CIC: variants seen among roughly 807,000 people sequenced by gnomAD.
CIC encodes capicua transcriptional repressor, also known as protein capicua homolog.
In CIC, 18 loss-of-function variants were observed where a neutral mutation model predicts 115.7. The ratio of observed to expected loss-of-function variants is 0.16; its 90% CI spans 0.11 to 0.23. The LOEUF is 0.23. CIC is among the 10% of genes least tolerant of loss of function. The probability of loss-of-function intolerance (pLI) is 1.00; values close to 1 mark genes in which losing one functional copy is unlikely to be tolerated. For synonymous variants in CIC, 1,076 were observed against 923.0 expected, an observed-to-expected ratio of 1.17 and a Z score of -3.01; for missense variants, 2,000 against 2,159.3, an observed-to-expected ratio of 0.93 and a Z score of 1.46.
chr19:42,270,639 C>T lies in CIC; in HGVS notation c.-10-1135C>T, dbSNP rs1459121569. ...GTTGGAGGGCATATTTGGGGGCCTGCGGGGGGCTAGCCGACTCAGCCACCC... is the reference window on the plus strand; with the variant it reads ...GTTGGAGGGCATATTTGGGGGCCTGTGGGGGGCTAGCCGACTCAGCCACCC... On this transcript the variant is annotated intron_variant, in intron 1 of 20. Coordinates refer to ENST00000681038, the MANE Select transcript of CIC (RefSeq NM_001386298.1). The surrounding 1 kb of genome is among the most constrained non-coding windows in gnomAD (Gnocchi z 4.1). Among the ~76,000 whole-genome samples the T allele has an allele frequency of 2.0e-5, 3 of 152,132 alleles. No individual in the cohort carries two copies. Among genetic ancestry groups the T allele is most frequent in the Admixed American group, 1.3e-4 (2 of 15,290 alleles).
In CIC at chr19:42,293,067, C is replaced by G. The variant is rs1034746793; in HGVS notation, c.6308C>G (p.Ala2103Gly). 6.2e-7 allele frequency: 1 copy of G among 1,612,048 alleles called. No individual in the cohort carries two copies. The highest frequency in any genetic ancestry group is 8.5e-7 in the Non-Finnish European group (1 of 1,179,530). ...IASIPVGSFE[A>G]GASGRPGPAP... is the part of the protein sequence containing the mutation. Reference sequence around the variant, plus strand: ...AGCATTCCCGTGGGGTCCTTTGAGGCAGGTGCCTCTGGGCGGCCTGGCCCT... The same window carrying G: ...AGCATTCCCGTGGGGTCCTTTGAGGGAGGTGCCTCTGGGCGGCCTGGCCCT... The change falls in exon 16 of 21, where the codon GCA becomes GGA. Residue 2103 changes from alanine (A) to glycine (G), a missense_variant. Around this residue, in one of 8 missense-constraint regions of CIC, gnomAD observed 1,466 missense variants for 1,390.4 expected, o/e 1.05. Transcript: ENST00000681038.
intron 7 of CIC, among the ~76,000 whole-genome samples, chr19:42,288,606 A>G (rs533591459): frequency 9.2e-5 from 14 of 152,296 alleles, no homozygotes; most frequent in African/African-American, 3.4e-4. Flanking sequence ...GGCTCAGGCC[A>G]GCGGTTGGCT....
Position 42,294,752 on chromosome 19 carries a change from G to T in CIC, c.7186+17G>T. 6.2e-7 allele frequency: 1 copy of T among 1,612,370 alleles called. No homozygotes were observed. ...TCCCGTCAGGTGAGCCTGTCTCGGA[G>T]TCTTGGGGTCACTCGGGTGGGACTT... On this transcript the variant is annotated intron_variant, in intron 20 of 20. Transcript: ENST00000681038.
At chr19:42,292,255 G>A (rs773489045) in intron 13 of CIC, 45 bp from the exon 14 acceptor site, 54 of 1,613,594 alleles carry the variant, frequency 3.3e-5, no homozygotes, top group East Asian at 6.7e-5. Context: ...GGGGTGGGGC[G>A]GGGCCGGCTT....
chr19:42,269,540 C>A, intron 1 of CIC, among the ~76,000 whole-genome samples, 159 bp downstream of exon 1: 1 of 72,494 alleles, frequency 1.4e-5, no homozygotes, highest in East Asian at 3.3e-4. Context: ...GGGGGTTTGA[C>A]AGAAAAAGGG....
intron 9 of CIC, 127 bp downstream of exon 9, chr19:42,289,533 TG>T: frequency 8.9e-7 from 1 of 1,125,606 alleles, no homozygotes; most frequent in Non-Finnish European, 1.3e-6. Flanking sequence ...TGGTTGCATG[TG>T]GCCAGTTCAG....
chr19:42,295,116 A>T lies in CIC; in HGVS notation c.7479A>T (p.Gly2493=). The T allele has an allele frequency of 2.6e-6, 4 of 1,520,290 alleles. No individual in the cohort carries two copies. The highest frequency in any genetic ancestry group is 3.5e-6 in the Non-Finnish European group (4 of 1,140,010). 94.2% of individuals were successfully genotyped at this position (1,520,290 alleles called of 1,614,324 possible). A position where few individuals can be genotyped will look rare whatever the true frequency, so the allele number is the denominator to read the frequency against. The change falls in exon 21 of 21, where the codon GGA becomes GGT. Residue 2493 remains glycine, a synonymous_variant. Coordinates refer to ENST00000681038, the MANE Select transcript of CIC (RefSeq NM_001386298.1). ...PLPPPPESGP[G]QPGWEGAPQP... ...CTCCACCCCCAGAGTCGGGGCCTGG[A>T]CAGCCTGGCTGGGAGGGGGCTCCCC...
intron 2 of CIC, among the ~76,000 whole-genome samples, chr19:42,285,867 C>T (rs773869374): frequency 2.7e-4 from 41 of 152,260 alleles, no homozygotes; most frequent in Admixed American, 6.5e-4. Flanking sequence ...CCCCTGGGAC[C>T]AGCCTCTTGG....
intron 2 of CIC, among the ~76,000 whole-genome samples, chr19:42,281,013 C>G (rs1229017748): frequency 6.6e-6 from 1 of 151,886 alleles, no homozygotes; most frequent in Non-Finnish European, 1.5e-5. Context: ...CCTGCCTACC[C>G]CAGCCCCACT....
intron 2 of CIC, among the ~76,000 whole-genome samples, chr19:42,275,319 C>T (rs535457976): frequency 2.0e-5 from 3 of 152,336 alleles, no homozygotes; most frequent in South Asian, 2.1e-4. Context: ...TGGAAGGCAG[C>T]GGGGGTGTGC....
rs2147280018 is a variant in CIC at position 42,291,633 on chromosome 19, C to T, written c.5501C>T (p.Pro1834Leu). Residue 1834 changes from proline to leucine, a missense_variant, in exon 12 of 21, where the codon CCT (proline) becomes CTT (leucine). Pro to Leu is a moderately conservative substitution (Grantham distance 98). Around this residue, in one of 8 missense-constraint regions of CIC, gnomAD observed 1,466 missense variants for 1,390.4 expected, o/e 1.05. Transcript: ENST00000681038. ...CTGCTGCCTGGGAAGGTCCTAGTGC[C>T]TCTGGCCGCCCCTAGCATGTCAGTG... ...AQLLPGKVLVPLAAPSMSVRG... is the reference protein window; with the variant it reads ...AQLLPGKVLVLLAAPSMSVRG... 1 of 1,613,014 alleles carries T rather than the reference C, an allele frequency of 6.2e-7. No homozygotes were observed. The highest frequency in any genetic ancestry group is 8.5e-7 in the Non-Finnish European group (1 of 1,180,006).
At position 42,291,241 on chromosome 19, in the gene CIC, G is replaced by C; in HGVS notation, c.5200G>C (p.Val1734Leu). The change falls in exon 11 of 21, where the codon GTA (valine) becomes CTA (leucine). Residue 1734 changes from valine (V) to leucine (L), a missense_variant. Val to Leu is a conservative substitution (Grantham distance 32, BLOSUM62 1). Transcript: ENST00000681038. ...GGGCAAGGCTGGGGGAATCACCCAG[G>C]TACAGTACATCCTGCCCACGCTGCC... Reference protein sequence around the residue: ...ALGKAGGITQVQYILPTLPQQ... With the variant: ...ALGKAGGITQLQYILPTLPQQ... 1 of 1,612,136 alleles carries C rather than the reference G, an allele frequency of 6.2e-7. No homozygotes were observed.
Position 42,271,987 on chromosome 19 carries a change from G to A in CIC, c.204G>A (p.Glu68=), listed in dbSNP as rs1214585034. The part of the protein sequence containing the change: ...EAEEGEEEEA[E]RGPGAEGPPL... The stretch of plus-strand genomic sequence containing the variant: ...AGGAAGGGGAGGAGGAGGAGGCTGA[G>A]CGGGGCCCTGGGGCTGAAGGTCCTC... The change falls in exon 2 of 21, where the codon GAG becomes GAA. Residue 68 remains glutamate (E), a synonymous_variant. Coordinates refer to ENST00000681038, the MANE Select transcript of CIC (RefSeq NM_001386298.1). 1 of 399,234 alleles carries A rather than the reference G, an allele frequency of 2.5e-6. No individual in the cohort carries two copies. The highest frequency in any genetic ancestry group is 3.6e-5 in the East Asian group (1 of 28,118). 24.7% of individuals were successfully genotyped at this position (399,234 alleles called of 1,614,324 possible).
rs752685054 is a variant in CIC at position 42,290,299 on chromosome 19, G to A, written c.4258G>A (p.Asp1420Asn). Reference protein sequence around the residue: ...SSFTHCRPPLDPEPPGPPDPP... With the variant: ...SSFTHCRPPLNPEPPGPPDPP... Reference sequence around the variant, plus strand: ...CTTTACCCACTGCCGCCCCCCACTGGACCCTGAGCCCCCAGGGCCCCCGGA... The same window carrying A: ...CTTTACCCACTGCCGCCCCCCACTGAACCCTGAGCCCCCAGGGCCCCCGGA... The change falls in exon 11 of 21, where the codon GAC becomes AAC. Residue 1420 changes from aspartate to asparagine, a missense_variant. Physicochemically the swap from Asp to Asn is conservative, Grantham distance 23. Coordinates refer to ENST00000681038, the MANE Select transcript of CIC (RefSeq NM_001386298.1). The A allele has an allele frequency of 3.7e-6, 6 of 1,613,918 alleles. No homozygotes were observed. The highest frequency in any genetic ancestry group is 5.1e-6 in the Non-Finnish European group (6 of 1,179,978).
In CIC at chr19:42,293,968, C is replaced by T; in HGVS notation, c.6801C>T (p.Arg2267=). 6.2e-7 allele frequency: 1 copy of T among 1,613,576 alleles called. No homozygotes were observed. Among genetic ancestry groups the T allele is most frequent in the Non-Finnish European group, 8.5e-7 (1 of 1,180,022 alleles). Residue 2267 remains arginine (R), a synonymous_variant, in exon 18 of 21, where the codon CGC becomes CGT. Coordinates refer to ENST00000681038, the MANE Select transcript of CIC (RefSeq NM_001386298.1). ...RVLSEVDFEE[R]FAELPEFRPE... is the part of the protein sequence containing the mutation. ...TGTCAGAAGTGGACTTCGAAGAGCG[C>T]TTTGCTGAGTTGCCTGAGTTTCGGC...
In CIC at chr19:42,290,331, T is replaced by C. The variant is rs780045052; in HGVS notation, c.4290T>C (p.Pro1430=). The C allele has an allele frequency of 4.3e-6, 7 of 1,614,094 alleles. No homozygotes were observed. The highest frequency in any genetic ancestry group is 5.9e-6 in the Non-Finnish European group (7 of 1,179,992). The change falls in exon 11 of 21, where the codon CCT becomes CCC. Residue 1430 remains proline (P), a synonymous_variant. Coordinates refer to ENST00000681038, the MANE Select transcript of CIC (RefSeq NM_001386298.1). The part of the protein sequence containing the change: ...DPEPPGPPDP[P]VAFGKGYGSA... ...AGCCCCCAGGGCCCCCGGATCCTCC[T>C]GTAGCCTTTGGCAAAGGCTATGGTT...
chr19:42,285,778 C>T (rs1432302026), intron 2 of CIC, among the ~76,000 whole-genome samples: 1 of 152,216 alleles, frequency 6.6e-6, no homozygotes, highest in Non-Finnish European at 1.5e-5. Flanking sequence ...CCTAGGCCCG[C>T]CCCAAAAGTC....
In CIC at chr19:42,293,850, G is replaced by C; in HGVS notation, c.6767+14G>C. 3.1e-6 allele frequency: 5 copies of C among 1,613,012 alleles called. No homozygotes were observed. Among genetic ancestry groups the C allele is most frequent in the Non-Finnish European group, 4.2e-6 (5 of 1,179,802 alleles). Reference sequence around the variant, plus strand: ...CTCTGTGGACAAGTGAGCATGGGCTGGGGCCTTGGTGGAGCGTGTTAGGGT... The same window carrying C: ...CTCTGTGGACAAGTGAGCATGGGCTCGGGCCTTGGTGGAGCGTGTTAGGGT... On this transcript the variant is annotated intron_variant, in intron 17 of 20. Transcript: ENST00000681038.
chr19:42,290,389 T>G lies in CIC; in HGVS notation c.4348T>G (p.Ser1450Ala). The change falls in exon 11 of 21, where the codon TCC (serine) becomes GCC (alanine). Residue 1450 changes from serine (S) to alanine (A), a missense_variant. Transcript: ENST00000681038. ...ATCCTCCTCTGCGTCCTCGCCTGCT[T>G]CCTCCTCAGCCTCGGCAGCCACCTC... ...APSSSASSPA[S>A]SSASAATSFS... 6.2e-7 allele frequency: 1 copy of G among 1,613,946 alleles called. No individual in the cohort carries two copies. The highest frequency in any genetic ancestry group is 1.1e-5 in the South Asian group (1 of 91,084).
Sources: allele counts gnomAD v4.1 joint callset (sites outside exome capture counted in the v4.1 genomes callset), GRCh38; gene constraint gnomAD v4.1.1; regional missense constraint gnomAD v4.1.1; non-coding constraint Gnocchi (gnomAD v3.1); transcripts MANE v1.5; gene names NCBI Gene and HGNC (gene_info 2026-07-23, HGNC 2026-07-21).